Variants in ARHGAP32 observed in about 807,000 individuals in gnomAD.
The protein encoded by ARHGAP32 is Rho GTPase activating protein 32.
ARHGAP32 carries 51 observed loss-of-function variants against 186.5 expected under a neutral mutation model. The observed-to-expected ratio is 0.27, with a 90% CI of 0.22 to 0.35. The LOEUF (loss-of-function observed/expected upper bound fraction) is 0.35, where lower values mean the gene tolerates loss of function less well. Ranked by LOEUF, ARHGAP32 falls within the 10% of genes least tolerant of loss-of-function variation. The pLI is 1.00. For synonymous variants in ARHGAP32, 950 were observed against 964.3 expected (o/e 0.99, Z 0.27); for missense variants, 2,186 against 2,623.5 (o/e 0.83, Z 3.64).
intron 11 of ARHGAP32, among the ~76,000 whole-genome samples, chr11:129,031,760 C>T (rs530603967): frequency 2.0e-5 from 3 of 152,316 alleles, no homozygotes; most frequent in Admixed American, 2.0e-4. Flanking sequence ...CCCACCCCTA[C>T]AATTGTTGCC....
At chr11:129,202,912 GAAAAGA>G (rs987588102) in intron 1 of ARHGAP32, 44 of 152,212 alleles carry the variant, frequency 2.9e-4, no homozygotes, top group African/African-American at 1.1e-3. Context: ...AAAAAGAAAA[GAAAAGA>G]AAAACACGCT....
chr11:129,177,278 A>G (rs1943938116), intron 1 of ARHGAP32, among the ~76,000 whole-genome samples: 1 of 152,150 alleles, frequency 6.6e-6, no homozygotes, highest in South Asian at 2.1e-4. Context: ...CAGGAGCTGA[A>G]ATTGTGGCAA....
chr11:129,180,021 C>G (rs1292967627), intron 1 of ARHGAP32, among the ~76,000 whole-genome samples: 1 of 151,950 alleles, frequency 6.6e-6, no homozygotes, highest in East Asian at 1.9e-4. Flanking sequence ...CTAAAAGACT[C>G]TATAAGCAAT....
At chr11:128,974,067 C>A (rs1340828549) in intron 21 of ARHGAP32, 57 bp downstream of exon 21, 1 of 1,572,814 alleles carries the variant, frequency 6.4e-7, no homozygotes, top group East Asian at 2.2e-5. Flanking sequence ...ACAGATGGCA[C>A]ACAGGATTGA....
intron 1 of ARHGAP32, among the ~76,000 whole-genome samples, chr11:129,204,968 C>A (rs1944498097): frequency 6.6e-6 from 1 of 152,108 alleles, no homozygotes; most frequent in Non-Finnish European, 1.5e-5. Context: ...GCATTTTTCC[C>A]ATTATCCTTT....
chr11:129,164,330 G>T lies in ARHGAP32; in HGVS notation c.214C>A (p.Leu72Ile), dbSNP rs1228484329. Residue 72 changes from leucine to isoleucine, a missense_variant, in exon 2 of 23, where the codon CTT becomes ATT. By Grantham distance (5) the Leu-to-Ile change is conservative. Transcript: ENST00000682385. ...PRERPDWEET[L>I]SAMARGADVP... ...TAAAACTGATTTACCATTGCGCTAA[G>T]AGTTTCTTCCCAATCAGGCCGCTCT... 2 of 1,556,024 alleles carry T rather than the reference G, an allele frequency of 1.3e-6. No homozygotes were observed. Among genetic ancestry groups the T allele is most frequent in the South Asian group, 2.4e-5 (2 of 84,390 alleles).
At chr11:129,179,905 TG>T (rs1410001849) in intron 1 of ARHGAP32, among the ~76,000 whole-genome samples, 1 of 152,128 alleles carries the variant, frequency 6.6e-6, no homozygotes, top group Non-Finnish European at 1.5e-5. Flanking sequence ...GTAACTAACC[TG>T]CACATTGTGC....
At chr11:129,108,018 G>GA (rs1406367973) in intron 5 of ARHGAP32, among the ~76,000 whole-genome samples, 14 of 152,024 alleles carry the variant, frequency 9.2e-5, no homozygotes, top group African/African-American at 3.4e-4. Context: ...ATATACAGAG[G>GA]AAAAAATGAG....
At chr11:129,054,444 C>T (rs577092891) in intron 10 of ARHGAP32, among the ~76,000 whole-genome samples, 1 of 152,136 alleles carries the variant, frequency 6.6e-6, no homozygotes, top group Non-Finnish European at 1.5e-5. Flanking sequence ...TGACCCCATC[C>T]CCTGAGATTC....
At chr11:129,077,355 C>T (rs1245240716) in intron 6 of ARHGAP32, among the ~76,000 whole-genome samples, 1 of 152,152 alleles carries the variant, frequency 6.6e-6, no homozygotes, top group Non-Finnish European at 1.5e-5. Context: ...AGGGGTGAAG[C>T]CTGAAAGCCC....
At chr11:129,066,691 T>A in intron 7 of ARHGAP32, 40 bp downstream of exon 7, 1 of 1,591,862 alleles carries the variant, frequency 6.3e-7, no homozygotes, top group Non-Finnish European at 8.5e-7. Flanking sequence ...CAAACTCATA[T>A]ATAGTGATTA....
At chr11:129,243,217 T>G (rs1316668671) in intron 1 of ARHGAP32, among the ~76,000 whole-genome samples, 1 of 152,180 alleles carries the variant, frequency 6.6e-6, no homozygotes, top group Admixed American at 6.5e-5. Flanking sequence ...CCCAAGTCCC[T>G]CAGGTTTAAA....
intron 15 of ARHGAP32, among the ~76,000 whole-genome samples, chr11:128,982,891 TAAAAAA>T (rs34630708): frequency 9.0e-5 from 6 of 66,428 alleles, no homozygotes; most frequent in African/African-American, 1.9e-4. Context: ...ACCTTGTCTT[TAAAAAA>T]AAAAAAAAAA....
intron 6 of ARHGAP32, among the ~76,000 whole-genome samples, chr11:129,078,353 G>A (rs1406526643): frequency 6.6e-6 from 1 of 152,148 alleles, no homozygotes; most frequent in Non-Finnish European, 1.5e-5. Context: ...CCACCCAAAT[G>A]AGAAGGAACC....
In ARHGAP32 at chr11:129,137,809, G is replaced by A. The variant is rs1417461573; in HGVS notation, c.226-12915C>T. On this transcript the variant is annotated intron_variant, in intron 2 of 22. Transcript: ENST00000682385. ...AGATGATGTATTAAATCTTGATTATGGCACAGCATATAGTGTTTTATGATA... is the reference window on the plus strand; with the variant it reads ...AGATGATGTATTAAATCTTGATTATAGCACAGCATATAGTGTTTTATGATA... Among the ~76,000 whole-genome samples the A allele has an allele frequency of 7.2e-4, 109 of 152,040 alleles. 4 individuals are homozygous for A. Among genetic ancestry groups the A allele is most frequent in the Admixed American group, 7.1e-3 (109 of 15,270 alleles).
At chr11:129,169,089 TC>T (rs1943699321) in intron 1 of ARHGAP32, among the ~76,000 whole-genome samples, 1 of 152,158 alleles carries the variant, frequency 6.6e-6, no homozygotes, top group East Asian at 1.9e-4. Context: ...CTTCTAAGCT[TC>T]TATCACAAGA....
intron 2 of ARHGAP32, among the ~76,000 whole-genome samples, chr11:129,135,068 T>C (rs1322571177): frequency 6.6e-6 from 1 of 152,186 alleles, no homozygotes; most frequent in Non-Finnish European, 1.5e-5. Context: ...AATAGATATA[T>C]TATACATGCA....
chr11:129,085,317 CACA>C (rs1325456465), intron 6 of ARHGAP32, among the ~76,000 whole-genome samples: 6 of 152,064 alleles, frequency 3.9e-5, no homozygotes, highest in African/African-American at 1.4e-4. Flanking sequence ...TGAGCCAGCA[CACA>C]ACAAGGGGAA....
At chr11:129,171,632 T>A (rs1217084567) in intron 1 of ARHGAP32, among the ~76,000 whole-genome samples, 1 of 152,202 alleles carries the variant, frequency 6.6e-6, no homozygotes, top group African/African-American at 2.4e-5. Context: ...TCTTTTTGCT[T>A]AGGATTGTCT....
Sources: gnomAD v4.1 joint callset for allele counts (sites outside exome capture counted in the v4.1 genomes callset) on GRCh38, gnomAD v4.1.1 for gene constraint, MANE v1.5 for transcripts, NCBI Gene and HGNC (gene_info 2026-07-23, HGNC 2026-07-21) for gene names.